Variants in SYNJ1 observed in about 807,000 individuals in gnomAD.
The protein encoded by SYNJ1 is synaptojanin 1.
In SYNJ1, 78 loss-of-function variants were observed where a neutral mutation model predicts 168.2. That is an observed-to-expected ratio of 0.46 (90% CI 0.39 to 0.56). SYNJ1 has a LOEUF of 0.56. Among genes scored for constraint, SYNJ1 ranks in the 20% least tolerant of loss-of-function variants. The probability of loss-of-function intolerance (pLI) is 0.00; values close to 1 mark genes in which losing one functional copy is unlikely to be tolerated. For missense variants in SYNJ1, 1,303 were observed against 1,597.6 expected, an observed-to-expected ratio of 0.82 and a Z score of 3.14; for synonymous variants, 539 against 548.6, an observed-to-expected ratio of 0.98 and a Z score of 0.24.
chr21:32,704,214 T>C (rs1857398129), intron 2 of SYNJ1, among the ~76,000 whole-genome samples: 1 of 152,184 alleles, frequency 6.6e-6, no homozygotes, highest in Non-Finnish European at 1.5e-5. Flanking sequence ...AATTCAAACA[T>C]GCAAACAAAT....
intron 2 of SYNJ1, among the ~76,000 whole-genome samples, chr21:32,718,408 C>T (rs1361001994): frequency 6.6e-6 from 1 of 152,106 alleles, no homozygotes; most frequent in African/African-American, 2.4e-5. Flanking sequence ...TACGTACATT[C>T]CTCAGACTAC....
intron 18 of SYNJ1, among the ~76,000 whole-genome samples, 173 bp from the exon 19 acceptor site, chr21:32,658,045 G>A (rs971205819): frequency 2.0e-4 from 31 of 152,294 alleles, no homozygotes; most frequent in African/African-American, 7.5e-4. Flanking sequence ...AATAACCTGA[G>A]ACATAGCATT....
intron 23 of SYNJ1, among the ~76,000 whole-genome samples, chr21:32,649,417 T>C (rs900866839): frequency 6.6e-6 from 1 of 152,250 alleles, no homozygotes; most frequent in African/African-American, 2.4e-5. Flanking sequence ...CTGGCTAGAA[T>C]AGCATATTGT....
chr21:32,720,414 A>T (rs563348686), intron 2 of SYNJ1, among the ~76,000 whole-genome samples: 1 of 152,320 alleles, frequency 6.6e-6, no homozygotes, highest in African/African-American at 2.4e-5. Context: ...TAGAAAAGAG[A>T]GGATATTTCA....
Position 32,673,359 on chromosome 21 carries a change from A to C in SYNJ1, c.1707T>G (p.Ala569=), listed in dbSNP as rs1384171922. The C allele has an allele frequency of 4.4e-6, 7 of 1,608,214 alleles. No individual in the cohort carries two copies. In the Admixed American group the frequency reaches 1.2e-4, roughly 27 times the overall value. The stretch of plus-strand genomic sequence containing the variant: ...GCCAACCTTGAAACTCCTGGATGCC[A>C]GCTAACTTGGGTGCATCAAGAAGCC... ...TDWLLDAPKL[A]GIQEFQDKRS... is the part of the protein sequence containing the mutation. Residue 569 remains alanine, a synonymous_variant, in exon 14 of 33, where the codon GCT becomes GCG. Coordinates refer to ENST00000674351, the MANE Select transcript of SYNJ1 (RefSeq NM_203446.3).
At chr21:32,695,343 T>C in intron 4 of SYNJ1, 61 bp from the exon 5 acceptor site, 2 of 1,429,444 alleles carry the variant, frequency 1.4e-6, no homozygotes, top group Non-Finnish European at 1.9e-6. Context: ...GTATGACTTT[T>C]AAAATAATCT....
At chr21:32,723,644 C>T (rs1405409890) in intron 2 of SYNJ1, among the ~76,000 whole-genome samples, 3 of 152,028 alleles carry the variant, frequency 2.0e-5, no homozygotes, top group Non-Finnish European at 4.4e-5. Context: ...TGAGGAAGCC[C>T]CCTATCTACA....
At chr21:32,661,890 CACAA>C (rs1049027719) in intron 18 of SYNJ1, among the ~76,000 whole-genome samples, 18 of 152,062 alleles carry the variant, frequency 1.2e-4, no homozygotes, top group Admixed American at 3.3e-4. Context: ...GGAAAAATTA[CACAA>C]ACAATCTCAA....
At chr21:32,725,190 T>C (rs1048334212) in intron 2 of SYNJ1, among the ~76,000 whole-genome samples, 2 of 152,102 alleles carry the variant, frequency 1.3e-5, no homozygotes, top group Admixed American at 6.5e-5. Context: ...TAAAGAAACA[T>C]TTAGAATTTA....
At chr21:32,644,399 T>C (rs1048012663) in intron 26 of SYNJ1, among the ~76,000 whole-genome samples, 4 of 152,222 alleles carry the variant, frequency 2.6e-5, no homozygotes, top group Non-Finnish European at 5.9e-5. Context: ...ACATGCACAG[T>C]GAGCCTTAGT....
intron 4 of SYNJ1, among the ~76,000 whole-genome samples, chr21:32,698,710 G>A (rs1224210806): frequency 6.6e-6 from 1 of 152,132 alleles, no homozygotes; most frequent in Non-Finnish European, 1.5e-5. Context: ...GCATAATCAT[G>A]AAATACATCA....
rs1178917244 is a variant in SYNJ1 at position 32,704,786 on chromosome 21, G to T, written c.125-2739C>A. ...TATGATCAAGGATAATGAGAGCCAG[G>T]TTTCTCACTGTCAGAGAAGGTACTC... is the stretch of plus-strand genomic sequence containing the variant. On this transcript the variant is annotated intron_variant, in intron 2 of 32. Coordinates refer to ENST00000674351, the MANE Select transcript of SYNJ1 (RefSeq NM_203446.3). 2.6e-5 allele frequency among the ~76,000 whole-genome samples: 4 copies of T among 152,172 alleles called. No individual in the cohort carries two copies. The East Asian group carries it at 7.7e-4, about 29-fold the overall frequency.
At chr21:32,715,932 T>G (rs999820666) in intron 2 of SYNJ1, among the ~76,000 whole-genome samples, 1 of 152,206 alleles carries the variant, frequency 6.6e-6, no homozygotes, top group African/African-American at 2.4e-5. Flanking sequence ...CCAAATTTAT[T>G]TTCTCCAAGT....
chr21:32,631,727 A>C lies in SYNJ1; in HGVS notation c.*78T>G. 1 of 1,614,238 alleles carries C rather than the reference A, an allele frequency of 6.2e-7. No homozygotes were observed. Among genetic ancestry groups the C allele is most frequent in the Non-Finnish European group, 8.5e-7 (1 of 1,180,040 alleles). Reference sequence around the variant, plus strand: ...GAGCCTTTGATACAGCAAGCAGATTAAATGACAGATCTTCAAATGGGTCAA... The same window carrying C: ...GAGCCTTTGATACAGCAAGCAGATTCAATGACAGATCTTCAAATGGGTCAA... On this transcript the variant is annotated 3_prime_UTR_variant, in exon 33 of 33. Transcript: ENST00000674351.
chr21:32,630,868 T>C lies in SYNJ1; in HGVS notation c.*937A>G, dbSNP rs2039290135. On this transcript the variant is annotated 3_prime_UTR_variant, in exon 33 of 33. Transcript: ENST00000674351. The stretch of plus-strand genomic sequence containing the variant: ...ATAGTCCAACTCTGTACACATCAAA[T>C]AGTGGTGTTTTGTGAAGATATCAGT... 3 of 890,014 alleles carry C rather than the reference T, an allele frequency of 3.4e-6. No individual in the cohort carries two copies. Among genetic ancestry groups the C allele is most frequent in the Non-Finnish European group, 3.4e-6 (2 of 592,384 alleles). The allele number at this position is 890,014 out of a possible 1,614,324, so 55.1% of individuals were successfully genotyped here. A position where few individuals can be genotyped will look rare whatever the true frequency, so the allele number is the denominator to read the frequency against.
intron 23 of SYNJ1, among the ~76,000 whole-genome samples, chr21:32,649,068 A>C (rs1379945884): frequency 6.6e-6 from 1 of 152,200 alleles, no homozygotes; most frequent in Admixed American, 6.5e-5. Context: ...AAGCTTGCCC[A>C]ATTTCCCAAA....
At chr21:32,714,379 C>G (rs1397883958) in intron 2 of SYNJ1, among the ~76,000 whole-genome samples, 2 of 152,004 alleles carry the variant, frequency 1.3e-5, no homozygotes, top group Non-Finnish European at 2.9e-5. Flanking sequence ...TTTTAAAAGA[C>G]TGGGGTGTAG....
chr21:32,660,392 C>G (rs1279388592), intron 18 of SYNJ1, among the ~76,000 whole-genome samples: 1 of 152,180 alleles, frequency 6.6e-6, no homozygotes, highest in Non-Finnish European at 1.5e-5. Context: ...TGTGAAAATC[C>G]CCGCATAATC....
At chr21:32,671,672 T>G (rs2041194611) in intron 14 of SYNJ1, among the ~76,000 whole-genome samples, 1 of 152,232 alleles carries the variant, frequency 6.6e-6, no homozygotes, top group Non-Finnish European at 1.5e-5. Flanking sequence ...GAGGATTAAA[T>G]GAACACATGT....
Sources: gnomAD v4.1 joint callset for allele counts (sites outside exome capture counted in the v4.1 genomes callset) on GRCh38, gnomAD v4.1.1 for gene constraint, MANE v1.5 for transcripts, NCBI Gene and HGNC (gene_info 2026-07-23, HGNC 2026-07-21) for gene names.